The following POU6F2 variants were observed in gnomAD, a reference collection of about 807,000 sequenced individuals.
The protein encoded by POU6F2 is POU class 6 homeobox 2.
A neutral mutation model predicts 71.3 loss-of-function variants in POU6F2; 31 were observed. The observed-to-expected ratio is 0.43, with a 90% CI of 0.33 to 0.59. The LOEUF (loss-of-function observed/expected upper bound fraction) is 0.59. Ranked by LOEUF, POU6F2 falls within the 20% of genes least tolerant of loss-of-function variation. POU6F2 has a pLI of 0.04. For missense variants in POU6F2, 783 were observed against 856.8 expected, an observed-to-expected ratio of 0.91 and a Z score of 1.07; for synonymous variants, 347 against 355.7, an observed-to-expected ratio of 0.98 and a Z score of 0.27.
At chr7:39,171,617 C>G (rs1477747740) in intron 2 of POU6F2, among the ~76,000 whole-genome samples, 2 of 152,098 alleles carry the variant, frequency 1.3e-5, no homozygotes, top group Non-Finnish European at 2.9e-5. Flanking sequence ...AAAATAATCC[C>G]TCAACTGGTT....
intron 2 of POU6F2, among the ~76,000 whole-genome samples, chr7:39,188,275 G>A (rs1793587609): frequency 6.6e-6 from 1 of 152,170 alleles, no homozygotes; most frequent in African/African-American, 2.4e-5. Context: ...AAAAAGGAAA[G>A]CACAAGTCAG....
chr7:39,146,767 A>G (rs1166706853), intron 2 of POU6F2, among the ~76,000 whole-genome samples: 1 of 152,190 alleles, frequency 6.6e-6, no homozygotes, highest in African/African-American at 2.4e-5. Context: ...CAGGAAACTG[A>G]GACTCAGGAG....
At chr7:39,392,956 T>A (rs919534754) in intron 5 of POU6F2, among the ~76,000 whole-genome samples, 5 of 152,218 alleles carry the variant, frequency 3.3e-5, no homozygotes, top group African/African-American at 1.2e-4. Flanking sequence ...GATTCCCTGC[T>A]CTCTTCTTCC....
chr7:39,207,345 C>A (rs185643329), intron 3 of POU6F2, 47 bp from the exon 4 acceptor site: 3 of 1,569,708 alleles, frequency 1.9e-6, no homozygotes, highest in East Asian at 2.3e-5. Context: ...AAAACCCATG[C>A]CTTGGTTCCA....
At chr7:39,079,875 T>C (rs576346047) in intron 1 of POU6F2, among the ~76,000 whole-genome samples, 70 of 152,342 alleles carry the variant, frequency 4.6e-4, no homozygotes, top group Non-Finnish European at 7.9e-4. Flanking sequence ...TGCATTATAA[T>C]GGAAATTTTT....
In POU6F2 at chr7:39,394,515, C is replaced by T. The variant is rs895175168; in HGVS notation, c.973-12085C>T. 7.9e-5 allele frequency among the ~76,000 whole-genome samples: 12 copies of T among 152,174 alleles called. No homozygotes were observed. The East Asian group carries it at 2.1e-3, about 27-fold the overall frequency. Reference sequence around the variant, plus strand: ...CTCTGCCATATGAACTCAAGCACACCACTCATACATGGGCTTCCTATTTTC... The same window carrying T: ...CTCTGCCATATGAACTCAAGCACACTACTCATACATGGGCTTCCTATTTTC... On this transcript the variant is annotated intron_variant, in intron 5 of 9. Transcript: ENST00000518318.
At chr7:39,397,210 C>T (rs1787190755) in intron 5 of POU6F2, among the ~76,000 whole-genome samples, 1 of 151,988 alleles carries the variant, frequency 6.6e-6, no homozygotes, top group Admixed American at 6.6e-5. Flanking sequence ...TGCTAACTCA[C>T]ATGACAGATT....
chr7:39,406,460 G>C, intron 5 of POU6F2, 140 bp from the exon 6 acceptor site: 1 of 933,420 alleles, frequency 1.1e-6, no homozygotes, highest in East Asian at 2.5e-5. Flanking sequence ...GGGAATGTTC[G>C]CCACGCCCCT....
At chr7:39,321,500 T>A (rs1785389571) in intron 4 of POU6F2, among the ~76,000 whole-genome samples, 1 of 152,194 alleles carries the variant, frequency 6.6e-6, no homozygotes, top group Non-Finnish European at 1.5e-5. Context: ...GAAAGTGGGC[T>A]TAGAGCAGAG....
intron 4 of POU6F2, among the ~76,000 whole-genome samples, chr7:39,330,590 C>T (rs1785623243): frequency 6.6e-6 from 1 of 152,182 alleles, no homozygotes; most frequent in Non-Finnish European, 1.5e-5. Context: ...ATCAAGTATT[C>T]CTCTCAGTGT....
chr7:39,136,468 T>C (rs1447845775), intron 2 of POU6F2, among the ~76,000 whole-genome samples: 1 of 152,154 alleles, frequency 6.6e-6, no homozygotes. Flanking sequence ...ATTAAAATAG[T>C]ATGCACCAAC....
chr7:39,148,657 A>T (rs182041862), intron 2 of POU6F2, among the ~76,000 whole-genome samples: 1 of 151,672 alleles, frequency 6.6e-6, no homozygotes, highest in African/African-American at 2.4e-5. Context: ...GATATTGCTA[A>T]ATGAGCTGAT....
chr7:38,990,609 T>C (rs377006675), intron 1 of POU6F2, among the ~76,000 whole-genome samples: 37 of 152,246 alleles, frequency 2.4e-4, no homozygotes, highest in African/African-American at 8.4e-4. Flanking sequence ...ACTTACTGCT[T>C]TGGAACATCA....
chr7:39,369,121 G>A (rs1319587824), intron 5 of POU6F2, among the ~76,000 whole-genome samples: 1 of 152,200 alleles, frequency 6.6e-6, no homozygotes, highest in Non-Finnish European at 1.5e-5. Context: ...GAACTACTGT[G>A]AACATTGCTG....
At chr7:39,266,325 A>G (rs1438512245) in intron 4 of POU6F2, among the ~76,000 whole-genome samples, 1 of 152,216 alleles carries the variant, frequency 6.6e-6, no homozygotes, top group Non-Finnish European at 1.5e-5. Flanking sequence ...CAGGGTCAAC[A>G]TCAACATCGT....
intron 1 of POU6F2, among the ~76,000 whole-genome samples, chr7:39,052,399 G>A (rs148697773): frequency 2.0e-5 from 3 of 152,236 alleles, no homozygotes; most frequent in African/African-American, 4.8e-5. Flanking sequence ...CTGCATGGCT[G>A]GAGAGGCCTC....
At chr7:39,226,650 C>G (rs189955188) in intron 4 of POU6F2, among the ~76,000 whole-genome samples, 59 of 152,122 alleles carry the variant, frequency 3.9e-4, no homozygotes, top group Admixed American at 3.9e-4. Flanking sequence ...CACCAAAAAC[C>G]TAGAACATGT....
At chr7:39,295,792 A>G (rs1784835513) in intron 4 of POU6F2, among the ~76,000 whole-genome samples, 1 of 152,228 alleles carries the variant, frequency 6.6e-6, no homozygotes, top group Non-Finnish European at 1.5e-5. Flanking sequence ...CTTCCAATAT[A>G]TAATTAAACA....
intron 8 of POU6F2, among the ~76,000 whole-genome samples, chr7:39,454,842 A>C (rs1788763849): frequency 6.6e-6 from 1 of 150,542 alleles, no homozygotes; most frequent in Non-Finnish European, 1.5e-5. Flanking sequence ...AGTGTTGGCT[A>C]ACCTGCCATA....
Sources: allele counts gnomAD v4.1 joint callset (sites outside exome capture counted in the v4.1 genomes callset), GRCh38; gene constraint gnomAD v4.1.1; transcripts MANE v1.5; gene names NCBI Gene and HGNC (gene_info 2026-07-23, HGNC 2026-07-21).